The following ARMH4 variants were observed in gnomAD, a reference collection of about 807,000 sequenced individuals.
ARMH4 encodes armadillo like helical domain containing 4, also known as armadillo-like helical domain-containing protein 4.
A neutral mutation model predicts 61.9 loss-of-function variants in ARMH4; 49 were observed. The observed-to-expected ratio is 0.79, with a 90% CI of 0.63 to 1.00. ARMH4 has a LOEUF of 1.00. ARMH4 is among the 50% of genes least tolerant of loss of function. The probability of loss-of-function intolerance (pLI) is 0.00; values close to 1 mark genes in which losing one functional copy is unlikely to be tolerated. For missense variants in ARMH4, 934 were observed against 930.0 expected, an observed-to-expected ratio of 1.00 and a Z score of -0.06; for synonymous variants, 368 against 341.5, an observed-to-expected ratio of 1.08 and a Z score of -0.85.
At position 58,096,766 on chromosome 14, in the gene ARMH4, C is replaced by A. The variant is rs142025183; in HGVS notation, c.2047G>T (p.Val683Leu). ...MDLLEGATYQVPDALEWEQQN... is the reference protein window; with the variant it reads ...MDLLEGATYQLPDALEWEQQN... ...TGTTCCCACTCGAGGGCATCTGGCA[C>A]CTGGTAGGTAGCTCCCTCCAACAGG... Residue 683 changes from valine to leucine, a missense_variant, in exon 5 of 8, where the codon GTG becomes TTG. Coordinates refer to ENST00000267485, the MANE Select transcript of ARMH4 (RefSeq NM_001001872.4). 16 of 1,614,100 alleles carry A rather than the reference C, an allele frequency of 9.9e-6. No homozygotes were observed. Among genetic ancestry groups the A allele is most frequent in the Non-Finnish European group, 1.4e-5 (16 of 1,180,016 alleles).
In ARMH4 at chr14:58,138,902, G is replaced by A. The variant is rs759429025; in HGVS notation, c.457C>T (p.Pro153Ser). The change falls in exon 2 of 8, where the codon CCT (proline) becomes TCT (serine). Residue 153 changes from proline to serine, a missense_variant. Transcript: ENST00000267485. The part of the protein sequence containing the change: ...AMLTIAITAT[P>S]SLTVDEKEEL... ...TCCTTTTCATCAACAGTCAGAGAAG[G>A]AGTCGCAGTGATAGCAATGGTTAAC... 6.2e-7 allele frequency: 1 copy of A among 1,614,218 alleles called. No individual in the cohort carries two copies. Among genetic ancestry groups the A allele is most frequent in the Non-Finnish European group, 8.5e-7 (1 of 1,180,050 alleles).
chr14:58,143,764 T>C (rs1311455276), intron 1 of ARMH4, among the ~76,000 whole-genome samples: 2 of 101,242 alleles, frequency 2.0e-5, no homozygotes, highest in African/African-American at 3.7e-5. Context: ...GTGCCCATCC[T>C]CTTTTTTTTT....
chr14:58,043,780 C>A (rs927910070), intron 5 of ARMH4, among the ~76,000 whole-genome samples: 5 of 152,146 alleles, frequency 3.3e-5, no homozygotes, highest in African/African-American at 9.7e-5. Flanking sequence ...AATCAATGTG[C>A]AAAAATCACA....
intron 5 of ARMH4, among the ~76,000 whole-genome samples, chr14:58,064,854 T>C (rs989333406): frequency 6.6e-6 from 1 of 152,212 alleles, no homozygotes; most frequent in African/African-American, 2.4e-5. Context: ...ATGCATCAAA[T>C]AGAGCCCCCT....
intron 5 of ARMH4, among the ~76,000 whole-genome samples, chr14:58,091,900 CCA>C (rs113873030): frequency 0.016 from 2,498 of 152,344 alleles, 81 homozygotes; most frequent in African/African-American, 0.055. Flanking sequence ...ACAGTTCACT[CCA>C]CAGTCACAAT....
chr14:58,140,694 A>G (rs1299194052), intron 1 of ARMH4, among the ~76,000 whole-genome samples: 1 of 152,050 alleles, frequency 6.6e-6, no homozygotes, highest in Non-Finnish European at 1.5e-5. Context: ...TGAGGTCAGG[A>G]GTTCAAGACC....
At chr14:58,022,623 CCT>C (rs1375248350) in intron 5 of ARMH4, among the ~76,000 whole-genome samples, 1 of 152,158 alleles carries the variant, frequency 6.6e-6, no homozygotes, top group Non-Finnish European at 1.5e-5. Context: ...TTCCTCACTC[CCT>C]CTCCATACTT....
intron 5 of ARMH4, among the ~76,000 whole-genome samples, chr14:58,039,465 C>T (rs1223625332): frequency 1.3e-5 from 2 of 152,180 alleles, no homozygotes; most frequent in Admixed American, 1.3e-4. Context: ...TTTTACAACA[C>T]TTTACCAATA....
Position 58,005,145 on chromosome 14 carries a change from A to T in ARMH4, c.2159T>A (p.Val720Asp), listed in dbSNP as rs1172053746. The change falls in exon 7 of 8, where the codon GTT (valine) becomes GAT (aspartate). Residue 720 changes from valine to aspartate, a missense_variant. Transcript: ENST00000267485. ...YMSGMLVPVG[V>D]GIAGALFILG... The stretch of plus-strand genomic sequence containing the variant: ...GATGAACAAGGCTCCAGCTATCCCA[A>T]CCCCTACAGGCACCAGCATCCCAGA... The T allele has an allele frequency of 1.9e-6, 3 of 1,613,808 alleles. No homozygotes were observed. In the African/African-American group the frequency reaches 4.0e-5, roughly 22 times the overall value.
chr14:58,016,819 A>G (rs2077414879), intron 5 of ARMH4, among the ~76,000 whole-genome samples: 2 of 152,194 alleles, frequency 1.3e-5, no homozygotes, highest in Admixed American at 1.3e-4. Flanking sequence ...GGTACACAGA[A>G]AAGAAAGTAG....
chr14:58,061,959 A>C (rs1884544337), intron 5 of ARMH4, among the ~76,000 whole-genome samples: 2 of 147,886 alleles, frequency 1.4e-5, no homozygotes, highest in Non-Finnish European at 3.0e-5. Flanking sequence ...ATCAGGTCAG[A>C]TTTACCCATT....
chr14:58,150,505 T>C (rs1887886208), intron 1 of ARMH4, among the ~76,000 whole-genome samples: 1 of 152,202 alleles, frequency 6.6e-6, no homozygotes, highest in Non-Finnish European at 1.5e-5. Flanking sequence ...ATTCTACACT[T>C]ATATTTAGCA....
intron 5 of ARMH4, among the ~76,000 whole-genome samples, chr14:58,076,336 T>G (rs1045421055): frequency 6.6e-6 from 1 of 152,212 alleles, no homozygotes; most frequent in Non-Finnish European, 1.5e-5. Flanking sequence ...ATCCTGCTTT[T>G]CCCAAGAATC....
At chr14:58,042,222 A>C (rs930736405) in intron 5 of ARMH4, among the ~76,000 whole-genome samples, 1 of 152,226 alleles carries the variant, frequency 6.6e-6, no homozygotes, top group Non-Finnish European at 1.5e-5. Flanking sequence ...CAGCAAATGT[A>C]AAAGGACAGA....
intron 4 of ARMH4, among the ~76,000 whole-genome samples, chr14:58,124,334 A>G (rs551621546): frequency 5.3e-5 from 8 of 152,350 alleles, no homozygotes; most frequent in Admixed American, 1.3e-4. Flanking sequence ...CCTTACACAG[A>G]TCCAAGGGAC....
chr14:58,092,726 C>T (rs1478921471), intron 5 of ARMH4, among the ~76,000 whole-genome samples: 1 of 152,120 alleles, frequency 6.6e-6, no homozygotes, highest in Non-Finnish European at 1.5e-5. Context: ...TCTGAACCTC[C>T]TACTTCCCTC....
intron 1 of ARMH4, among the ~76,000 whole-genome samples, chr14:58,140,640 C>G (rs950069993): frequency 6.6e-6 from 1 of 151,618 alleles, no homozygotes; most frequent in Admixed American, 6.6e-5. Context: ...GTGGCTCACA[C>G]CTGAAATCCC....
chr14:58,074,758 T>C (rs1884992685), intron 5 of ARMH4, among the ~76,000 whole-genome samples: 1 of 152,210 alleles, frequency 6.6e-6, no homozygotes, highest in Non-Finnish European at 1.5e-5. Context: ...TGAAGAGTTT[T>C]GAGCATATGA....
intron 5 of ARMH4, among the ~76,000 whole-genome samples, chr14:58,049,506 G>T (rs1459873787): frequency 1.3e-5 from 2 of 152,110 alleles, no homozygotes; most frequent in African/African-American, 4.8e-5. Flanking sequence ...TTTTGAACCT[G>T]AACAGCCCAT....
Sources: gnomAD v4.1 joint callset for allele counts (sites outside exome capture counted in the v4.1 genomes callset) on GRCh38, gnomAD v4.1.1 for gene constraint, MANE v1.5 for transcripts, NCBI Gene and HGNC (gene_info 2026-07-23, HGNC 2026-07-21) for gene names.